The following PRIM2 variants were observed in gnomAD, a reference collection of about 807,000 sequenced individuals.
PRIM2 encodes the protein DNA primase large subunit.
PRIM2 carries 39 observed loss-of-function variants against 67.3 expected under a neutral mutation model. That is an observed-to-expected ratio of 0.58 (90% CI 0.45 to 0.76). PRIM2 has a LOEUF of 0.76. PRIM2 is among the 30% of genes least tolerant of loss of function. PRIM2 has a pLI of 0.00. For synonymous variants in PRIM2, 143 were observed against 198.7 expected, an observed-to-expected ratio of 0.72 and a Z score of 2.36; for missense variants, 398 against 598.7, an observed-to-expected ratio of 0.66 and a Z score of 3.50.
the PRIM2 span, among the ~76,000 whole-genome samples, chr6:57,268,306 T>A: frequency 1.3e-5 from 2 of 152,096 alleles, no homozygotes; most frequent in African/African-American, 4.8e-5. Flanking sequence ...TTTTGTGACC[T>A]CCTGTAGGAT....
intron 7 of PRIM2, among the ~76,000 whole-genome samples, chr6:57,488,840 G>A (rs1446590034): frequency 6.6e-6 from 1 of 152,204 alleles, no homozygotes; most frequent in Non-Finnish European, 1.5e-5. Flanking sequence ...GGTTGTGGGT[G>A]TGCCCTCATC....
chr6:57,590,174 A>G (rs1480327438), intron 10 of PRIM2, among the ~76,000 whole-genome samples: 3 of 152,214 alleles, frequency 2.0e-5, no homozygotes, highest in African/African-American at 7.2e-5. Flanking sequence ...TATCTGGAGC[A>G]CTGGATATTG....
chr6:57,324,602 A>T (rs1767782157), intron 4 of PRIM2, among the ~76,000 whole-genome samples: 1 of 152,180 alleles, frequency 6.6e-6, no homozygotes, highest in South Asian at 2.1e-4. Context: ...AAAAATGGTA[A>T]TATTTATAAG....
chr6:57,423,331 A>G (rs561753653), intron 7 of PRIM2, among the ~76,000 whole-genome samples: 2 of 152,208 alleles, frequency 1.3e-5, no homozygotes, highest in East Asian at 3.9e-4. Flanking sequence ...TATAATTTTC[A>G]TTTGGGGCCA....
At chr6:57,265,053 T>C in the PRIM2 span, among the ~76,000 whole-genome samples, 3 of 152,232 alleles carry the variant, frequency 2.0e-5, no homozygotes, top group African/African-American at 4.8e-5. Context: ...GGTCATGTGA[T>C]TAATGTATGT....
chr6:57,247,319 A>G, the PRIM2 span, among the ~76,000 whole-genome samples: 1 of 152,174 alleles, frequency 6.6e-6, no homozygotes, highest in Non-Finnish European at 1.5e-5. Flanking sequence ...TCTCGGGCCT[A>G]GATAGATTGT....
At chr6:57,516,248 G>C (rs1554348256) in intron 8 of PRIM2, among the ~76,000 whole-genome samples, 1 of 152,146 alleles carries the variant, frequency 6.6e-6, no homozygotes, top group Non-Finnish European at 1.5e-5. Flanking sequence ...CCCTTTTACC[G>C]TGTAACCTAA....
chr6:57,637,007 T>G (rs1720644148), intron 13 of PRIM2, among the ~76,000 whole-genome samples: 1 of 152,118 alleles, frequency 6.6e-6, no homozygotes. Context: ...ACAGGAGAGC[T>G]CCGGCTGGCA....
intron 8 of PRIM2, among the ~76,000 whole-genome samples, chr6:57,524,074 T>C (rs1255572730): frequency 1.7e-4 from 26 of 152,186 alleles, no homozygotes; most frequent in South Asian, 6.2e-4. Flanking sequence ...TGATTAATTA[T>C]GCCTTGCTGT....
intron 8 of PRIM2, among the ~76,000 whole-genome samples, chr6:57,519,777 G>A (rs1176582029): frequency 2.0e-5 from 3 of 152,218 alleles, no homozygotes; most frequent in African/African-American, 7.2e-5. Context: ...GAACTGATAA[G>A]TGTCCATGAA....
chr6:57,289,545 C>T, the PRIM2 span, among the ~76,000 whole-genome samples: 1 of 152,088 alleles, frequency 6.6e-6, no homozygotes, highest in African/African-American at 2.4e-5. Context: ...ATGTTAAGGG[C>T]AGCCAGAGAG....
rs1481254018 is a variant in PRIM2 at position 57,330,375 on chromosome 6, GTTTTTTTGT to G, written c.459+4338_459+4346del. On this transcript the variant is annotated intron_variant, in intron 5 of 13. Transcript: ENST00000615550. ...TTTTTTTTTTTGTTTTTGTTTTTTTGTTTTTTTGTTTTTTTTTTTTTGAGATGGAGTCTT... is the reference window on the plus strand; with the variant it reads ...TTTTTTTTTTTGTTTTTGTTTTTTTGTTTTTTTTTTTTGAGATGGAGTCTT... Among the ~76,000 whole-genome samples the G allele has an allele frequency of 1.2e-3, 98 of 83,384 alleles. 1 individual carries two copies. The highest frequency in any genetic ancestry group is 4.3e-3 in the African/African-American group (90 of 21,008). The allele number at this position is 83,384 out of a possible 152,430, so 54.7% of individuals were successfully genotyped here.
chr6:57,271,521 C>A, the PRIM2 span, among the ~76,000 whole-genome samples: 1 of 152,070 alleles, frequency 6.6e-6, no homozygotes, highest in East Asian at 1.9e-4. Context: ...TTCCTCTTTT[C>A]TTCTTTATTA....
intron 7 of PRIM2, among the ~76,000 whole-genome samples, chr6:57,389,770 T>A (rs1452258812): frequency 2.0e-5 from 3 of 152,308 alleles, no homozygotes; most frequent in East Asian, 3.9e-4. Flanking sequence ...TGTATCCTCT[T>A]TTTAAAAGTA....
chr6:57,408,118 A>G (rs1770961201), intron 7 of PRIM2, among the ~76,000 whole-genome samples: 1 of 152,212 alleles, frequency 6.6e-6, no homozygotes, highest in Non-Finnish European at 1.5e-5. Context: ...GGTGAGCATA[A>G]ATGTGCCAAT....
intron 10 of PRIM2, among the ~76,000 whole-genome samples, chr6:57,579,812 G>A (rs1442659513): frequency 6.6e-6 from 1 of 152,096 alleles, no homozygotes; most frequent in Non-Finnish European, 1.5e-5. Flanking sequence ...GAGGGAGGGT[G>A]CAGATAAAAG....
At chr6:57,479,826 A>G (rs1213027667) in intron 7 of PRIM2, among the ~76,000 whole-genome samples, 64 of 152,342 alleles carry the variant, frequency 4.2e-4, no homozygotes, top group Non-Finnish European at 8.2e-4. Flanking sequence ...CAGCTAATAT[A>G]TATTGCAAGG....
intron 7 of PRIM2, among the ~76,000 whole-genome samples, chr6:57,396,438 A>T (rs904565974): frequency 6.6e-6 from 1 of 152,142 alleles, no homozygotes; most frequent in African/African-American, 2.4e-5. Flanking sequence ...CTGTTGCTTT[A>T]AAGTTTGATT....
At chr6:57,293,161 A>C in the PRIM2 span, among the ~76,000 whole-genome samples, 1 of 152,226 alleles carries the variant, frequency 6.6e-6, no homozygotes, top group Admixed American at 6.5e-5. Context: ...CAACCCCATC[A>C]AAACGTGGGC....
Sources: gnomAD v4.1 joint callset for allele counts (sites outside exome capture counted in the v4.1 genomes callset) on GRCh38, gnomAD v4.1.1 for gene constraint, MANE v1.5 for transcripts, NCBI Gene and HGNC (gene_info 2026-07-23, HGNC 2026-07-21) for gene names.